Variants in COL15A1 observed in about 807,000 individuals in gnomAD.
The protein encoded by COL15A1 is collagen type XV alpha 1 chain, also known as collagen alpha-1(XV) chain.
In COL15A1, 111 loss-of-function variants were observed where a neutral mutation model predicts 165.9. That is an observed-to-expected ratio of 0.67 (90% confidence interval 0.57 to 0.78). The LOEUF (loss-of-function observed/expected upper bound fraction) is 0.78, where lower values mean the gene tolerates loss of function less well. COL15A1 is among the 30% of genes least tolerant of loss of function. COL15A1 has a pLI of 0.00. For missense variants in COL15A1, 1,745 were observed against 1,789.7 expected (o/e 0.98, Z 0.45); for synonymous variants, 659 against 674.8 (o/e 0.98, Z 0.36).
intron 22 of COL15A1, 55 bp from the exon 23 acceptor site, chr9:99,040,466 T>C (rs1588528996): frequency 6.2e-7 from 1 of 1,613,942 alleles, no homozygotes; most frequent in African/African-American, 1.3e-5. Context: ...GGGGTCCTGC[T>C]GACTCTGGAA....
In COL15A1 at chr9:99,060,067, T is replaced by C. The variant is rs1361631366; in HGVS notation, c.3402+114T>C. ...CTTGGGGATCAGGCCTTCATGATAGTAGGCTTGGTGCAATTCCATAAATAG... is the reference window on the plus strand; with the variant it reads ...CTTGGGGATCAGGCCTTCATGATAGCAGGCTTGGTGCAATTCCATAAATAG... On this transcript the variant is annotated intron_variant, in intron 36 of 41. Transcript: ENST00000375001. The C allele has an allele frequency of 1.7e-5, 19 of 1,118,092 alleles. 1 individual carries two copies. In the South Asian group the frequency reaches 3.1e-4, roughly 18 times the overall value. 69.3% of individuals were successfully genotyped at this position (1,118,092 alleles called of 1,614,324 possible).
At chr9:99,000,617 G>C (rs991671172) in intron 6 of COL15A1, among the ~76,000 whole-genome samples, 3 of 152,158 alleles carry the variant, frequency 2.0e-5, no homozygotes, top group Admixed American at 6.5e-5. Flanking sequence ...TAAGGAACTT[G>C]AGGCAGAAGT....
chr9:99,004,945 C>T lies in COL15A1; in HGVS notation c.1248C>T (p.Ala416=), dbSNP rs373475447. 41 of 1,613,878 alleles carry T rather than the reference C, an allele frequency of 2.5e-5. No individual in the cohort carries two copies. Among genetic ancestry groups the T allele is most frequent in the African/African-American group, 6.7e-5 (5 of 74,866 alleles). Residue 416 remains alanine (A), a synonymous_variant, in exon 9 of 42, where the codon GCC becomes GCT. Transcript: ENST00000375001. ...ERLAATAAGE[A]EALASMPGEV... is the part of the protein sequence containing the mutation. ...TAGCAGCAACAGCAGCAGGGGAGGC[C>T]GAGGCACTCGCCAGCATGCCTGGGG...
chr9:99,035,239 G>A, intron 18 of COL15A1, 85 bp downstream of exon 18: 1 of 1,590,724 alleles, frequency 6.3e-7, no homozygotes. Flanking sequence ...CTGGTCTCAG[G>A]GCAGAGGCTG....
Position 98,982,168 on chromosome 9 carries a change from A to C in COL15A1, c.101-3397A>C, listed in dbSNP as rs536969852. Among the ~76,000 whole-genome samples, 13 of 151,932 alleles carry C rather than the reference A, an allele frequency of 8.6e-5. No individual in the cohort carries two copies. In the South Asian group the frequency reaches 1.0e-3, roughly 12 times the overall value. On this transcript the variant is annotated intron_variant, in intron 2 of 41. Transcript: ENST00000375001. ...GGGTATTTCTTTGTTGCCCAGGCTGAAGTGCAGTGGCATGATCGTATTTCA... is the reference window on the plus strand; with the variant it reads ...GGGTATTTCTTTGTTGCCCAGGCTGCAGTGCAGTGGCATGATCGTATTTCA...
intron 26 of COL15A1, among the ~76,000 whole-genome samples, chr9:99,046,818 C>G (rs1367807557): frequency 6.6e-6 from 1 of 152,354 alleles, no homozygotes; most frequent in Admixed American, 6.5e-5. Flanking sequence ...GGAAGTGTTG[C>G]ACTAGAACAT....
At chr9:99,040,718 C>T (rs1163953290) in intron 23 of COL15A1, 162 bp downstream of exon 23, 15 of 1,307,600 alleles carry the variant, frequency 1.1e-5, no homozygotes, top group Non-Finnish European at 1.6e-5. Context: ...GGGGTTTTGC[C>T]ATGTTGCCCA....
intron 40 of COL15A1, among the ~76,000 whole-genome samples, chr9:99,067,455 C>A (rs986087338): frequency 1.3e-5 from 2 of 152,202 alleles, no homozygotes; most frequent in African/African-American, 4.8e-5. Flanking sequence ...AACTAGGGCA[C>A]TTTGTCCTGA....
intron 9 of COL15A1, among the ~76,000 whole-genome samples, chr9:99,007,786 T>A (rs1222427348): frequency 6.6e-6 from 1 of 152,174 alleles, no homozygotes; most frequent in Non-Finnish European, 1.5e-5. Context: ...ATGGCTTAAT[T>A]TTAGTGATTT....
At chr9:99,052,686 C>G (rs958507672) in intron 31 of COL15A1, among the ~76,000 whole-genome samples, 2 of 152,160 alleles carry the variant, frequency 1.3e-5, no homozygotes, top group African/African-American at 4.8e-5. Context: ...TTCAATTGTT[C>G]ATTTGTTCAT....
At chr9:98,982,186 G>A (rs556872513) in intron 2 of COL15A1, among the ~76,000 whole-genome samples, 4 of 151,666 alleles carry the variant, frequency 2.6e-5, no homozygotes, top group East Asian at 3.9e-4. Context: ...TGGCATGATC[G>A]TATTTCATTG....
chr9:98,994,156 G>A (rs1451673811), intron 5 of COL15A1, among the ~76,000 whole-genome samples: 2 of 151,984 alleles, frequency 1.3e-5, no homozygotes, highest in East Asian at 1.9e-4. Flanking sequence ...ACTGTGTTGG[G>A]GGGATTGGTC....
At chr9:99,051,990 T>C (rs902617626) in intron 30 of COL15A1, among the ~76,000 whole-genome samples, 3 of 152,248 alleles carry the variant, frequency 2.0e-5, no homozygotes, top group Non-Finnish European at 2.9e-5. Flanking sequence ...GTTTCACGGT[T>C]GGGCATGTCA....
In COL15A1 at chr9:99,020,442, G is replaced by C; in HGVS notation, c.1701G>C (p.Lys567Asn). 1.2e-6 allele frequency: 2 copies of C among 1,608,810 alleles called. No homozygotes were observed. Among genetic ancestry groups the C allele is most frequent in the South Asian group, 1.1e-5 (1 of 90,974 alleles). The stretch of plus-strand genomic sequence containing the variant: ...GACAGGCTGGGCCCAAAGGAGAAAA[G>C]GTTTGTGCTGTGACCATCCTGGGGA... ...MKGQAGPKGE[K>N]GDAGEELPGP... Residue 567 changes from lysine to asparagine, a missense_variant and splice_region_variant, in exon 12 of 42, where the codon AAG becomes AAC. Coordinates refer to ENST00000375001, the MANE Select transcript of COL15A1 (RefSeq NM_001855.5).
At position 98,982,060 on chromosome 9, in the gene COL15A1, T is replaced by A. The variant is rs368484547; in HGVS notation, c.101-3505T>A. Among the ~76,000 whole-genome samples the A allele has an allele frequency of 4.7e-4, 72 of 152,180 alleles. 3 individuals carry two copies. The South Asian group carries it at 0.011, about 24-fold the overall frequency. The stretch of plus-strand genomic sequence containing the variant: ...AAGCAATTTTCCTACCTTGGCCTCC[T>A]AAAACACTGGAATTACAGGCATGAG... On this transcript the variant is annotated intron_variant, in intron 2 of 41. Transcript: ENST00000375001.
At chr9:98,944,828 C>G (rs1837551478) in intron 2 of COL15A1, among the ~76,000 whole-genome samples, 1 of 152,228 alleles carries the variant, frequency 6.6e-6, no homozygotes, top group Non-Finnish European at 1.5e-5. Context: ...AGATCTGATC[C>G]CTTCCGTTCC....
chr9:99,038,637 T>C (rs1166958494), intron 21 of COL15A1, 31 bp from the exon 22 acceptor site: 4 of 1,360,716 alleles, frequency 2.9e-6, no homozygotes, highest in Admixed American at 3.4e-5. Flanking sequence ...TGCCATCCTT[T>C]GTCCTCATTG....
At chr9:98,994,498 G>A (rs140021167) in intron 5 of COL15A1, among the ~76,000 whole-genome samples, 1 of 152,016 alleles carries the variant, frequency 6.6e-6, no homozygotes, top group Non-Finnish European at 1.5e-5. Flanking sequence ...CCCCCTCCTC[G>A]CACTTGGCTC....
intron 35 of COL15A1, among the ~76,000 whole-genome samples, chr9:99,058,923 A>G (rs1564092358): frequency 6.6e-6 from 1 of 152,162 alleles, no homozygotes; most frequent in East Asian, 1.9e-4. Flanking sequence ...TGGGGCTTGT[A>G]AAAACACCCT....
Sources: allele counts gnomAD v4.1 joint callset (sites outside exome capture counted in the v4.1 genomes callset), GRCh38; gene constraint gnomAD v4.1.1; transcripts MANE v1.5; gene names NCBI Gene and HGNC (gene_info 2026-07-23, HGNC 2026-07-21).